Variants in CAMK1D observed in about 807,000 individuals in gnomAD.
CAMK1D encodes calcium/calmodulin-dependent protein kinase type 1D.
A neutral mutation model predicts 47.7 loss-of-function variants in CAMK1D; 9 were observed. That is an observed-to-expected ratio of 0.19 (90% confidence interval 0.11 to 0.33). The LOEUF is 0.33. Ranked by LOEUF, CAMK1D falls within the 10% of genes least tolerant of loss-of-function variation. The pLI, the probability that CAMK1D is intolerant of heterozygous loss-of-function variation, is 1.00. For missense variants in CAMK1D, 291 were observed against 488.7 expected, an observed-to-expected ratio of 0.60 and a Z score of 3.81; for synonymous variants, 184 against 184.9, an observed-to-expected ratio of 0.99 and a Z score of 0.04.
At chr10:12,396,995 C>G (rs890623628) in intron 1 of CAMK1D, among the ~76,000 whole-genome samples, 1 of 152,240 alleles carries the variant, frequency 6.6e-6, no homozygotes, top group Non-Finnish European at 1.5e-5. Context: ...CGACTGGGCC[C>G]TGTCGGCTGA....
At chr10:12,586,154 A>G (rs76127660) in intron 2 of CAMK1D, among the ~76,000 whole-genome samples, 60 of 152,322 alleles carry the variant, frequency 3.9e-4, no homozygotes, top group African/African-American at 1.4e-3. Flanking sequence ...CTCCCACCAA[A>G]CCTGGAGAAA....
At chr10:12,569,145 G>A (rs756061459) in intron 2 of CAMK1D, among the ~76,000 whole-genome samples, 4 of 152,160 alleles carry the variant, frequency 2.6e-5, no homozygotes, top group African/African-American at 9.7e-5. Flanking sequence ...CAGGGTGTAT[G>A]TTTCAGACTC....
intron 1 of CAMK1D, among the ~76,000 whole-genome samples, chr10:12,377,854 G>A (rs1838228120): frequency 6.6e-6 from 1 of 152,210 alleles, no homozygotes; most frequent in Admixed American, 6.5e-5. Flanking sequence ...TGGCTCTTGT[G>A]ATTTATGTGC....
chr10:12,584,153 T>C (rs1837745485), intron 2 of CAMK1D, among the ~76,000 whole-genome samples: 1 of 152,206 alleles, frequency 6.6e-6, no homozygotes, highest in Admixed American at 6.5e-5. Flanking sequence ...AAGTGATGCC[T>C]GAACCCTAAG....
intron 2 of CAMK1D, among the ~76,000 whole-genome samples, chr10:12,657,035 C>T (rs1350895694): frequency 6.6e-6 from 1 of 152,148 alleles, no homozygotes; most frequent in Non-Finnish European, 1.5e-5. Context: ...TGTGCAATTC[C>T]ACTAATCAGT....
At chr10:12,663,287 C>A (rs1422893164) in intron 2 of CAMK1D, among the ~76,000 whole-genome samples, 3 of 152,136 alleles carry the variant, frequency 2.0e-5, no homozygotes, top group Admixed American at 6.5e-5. Flanking sequence ...ATACCGTATT[C>A]ATGATACTGT....
At chr10:12,808,365 T>C (rs1051725259) in intron 6 of CAMK1D, among the ~76,000 whole-genome samples, 2 of 152,232 alleles carry the variant, frequency 1.3e-5, no homozygotes, top group African/African-American at 4.8e-5. Context: ...TCAAACTCAG[T>C]ATCTGGTATA....
rs542034790 is a variant in CAMK1D at position 12,523,080 on chromosome 10, C to T, written c.93-30145C>T. On this transcript the variant is annotated intron_variant, in intron 1 of 10. Coordinates refer to ENST00000619168, the MANE Select transcript of CAMK1D (RefSeq NM_153498.4). ...CTCACTTCTCAGTCGGGGCGGCTGC[C>T]GGGTGGAGGGGCTCCTCACTTCTCA... Among the ~76,000 whole-genome samples the T allele has an allele frequency of 4.0e-3, 606 of 150,928 alleles. 6 individuals are homozygous for T. Among genetic ancestry groups the T allele is most frequent in the African/African-American group, 0.014 (578 of 41,056 alleles).
chr10:12,421,903 G>A (rs71492252), intron 1 of CAMK1D, among the ~76,000 whole-genome samples: 5 of 151,288 alleles, frequency 3.3e-5, no homozygotes, highest in East Asian at 3.9e-4. Context: ...TGCAGCCTTC[G>A]CCTCCTGGGT....
At chr10:12,356,385 G>A (rs1837517265) in intron 1 of CAMK1D, among the ~76,000 whole-genome samples, 1 of 152,198 alleles carries the variant, frequency 6.6e-6, no homozygotes, top group South Asian at 2.1e-4. Context: ...GGGTGCCCGT[G>A]TGCTGGGAGG....
intron 2 of CAMK1D, among the ~76,000 whole-genome samples, chr10:12,592,207 T>G (rs896716400): frequency 3.9e-5 from 6 of 152,176 alleles, no homozygotes; most frequent in African/African-American, 1.4e-4. Flanking sequence ...AACTTTCATT[T>G]CATCATCTCC....
intron 2 of CAMK1D, among the ~76,000 whole-genome samples, chr10:12,608,279 A>G (rs191628069): frequency 6.6e-6 from 1 of 152,134 alleles, no homozygotes; most frequent in African/African-American, 2.4e-5. Context: ...ATTAGCAGGC[A>G]TGGTAGCGCA....
chr10:12,734,341 A>T (rs1835034894), intron 3 of CAMK1D, among the ~76,000 whole-genome samples: 1 of 27,382 alleles, frequency 3.7e-5, no homozygotes, highest in African/African-American at 1.5e-4. Context: ...AAAAAAAAAA[A>T]AAAAATATAT....
Position 12,764,381 on chromosome 10 carries a change from C to CAAAAAAAAAAAAAAAAAAAA in CAMK1D, c.438+3312_438+3313insAAAAAAAAAAAAAAAAAAAA, listed in dbSNP as rs56657709. Reference sequence around the variant, plus strand: ...GGGCAACAAGAATGACACTTTGTCTCAAAAAAAAAAAAAAAAACATTGATC... The same window carrying CAAAAAAAAAAAAAAAAAAAA: ...GGGCAACAAGAATGACACTTTGTCTCAAAAAAAAAAAAAAAAAAAAAAAAAAAAAAAAAAAAACATTGATC... On this transcript the variant is annotated intron_variant, in intron 4 of 10. Transcript: ENST00000619168. Among the ~76,000 whole-genome samples, 80 of 77,960 alleles carry CAAAAAAAAAAAAAAAAAAAA rather than the reference C, an allele frequency of 1.0e-3. 5 individuals carry two copies. Among genetic ancestry groups the CAAAAAAAAAAAAAAAAAAAA allele is most frequent in the African/African-American group, 3.8e-3 (77 of 20,516 alleles). 51.1% of individuals were successfully genotyped at this position (77,960 alleles called of 152,430 possible).
intron 2 of CAMK1D, among the ~76,000 whole-genome samples, chr10:12,591,047 C>T (rs1837979400): frequency 1.3e-5 from 2 of 152,194 alleles, no homozygotes; most frequent in Admixed American, 6.5e-5. Context: ...ATTTGTGGCT[C>T]ATTCATTTCT....
At chr10:12,363,230 C>T (rs1008980793) in intron 1 of CAMK1D, among the ~76,000 whole-genome samples, 31 of 151,878 alleles carry the variant, frequency 2.0e-4, no homozygotes, top group African/African-American at 6.8e-4. Context: ...CGTGAACCAC[C>T]GCACCCGGCC....
intron 3 of CAMK1D, among the ~76,000 whole-genome samples, chr10:12,741,032 A>T (rs1008366007): frequency 6.6e-6 from 1 of 152,166 alleles, no homozygotes; most frequent in Non-Finnish European, 1.5e-5. Flanking sequence ...CATCCTTTTG[A>T]TGGAAGAGAC....
At chr10:12,717,449 A>G (rs1237846237) in intron 3 of CAMK1D, among the ~76,000 whole-genome samples, 3 of 152,150 alleles carry the variant, frequency 2.0e-5, no homozygotes, top group Non-Finnish European at 4.4e-5. Flanking sequence ...TGTTAGCAGA[A>G]CTGCCTCTTA....
At chr10:12,549,159 A>G (rs1378608420) in intron 1 of CAMK1D, among the ~76,000 whole-genome samples, 1 of 152,204 alleles carries the variant, frequency 6.6e-6, no homozygotes, top group Non-Finnish European at 1.5e-5. Context: ...CCTGGCTTCC[A>G]GATCCTTTTC....
Sources: allele counts gnomAD v4.1 joint callset (sites outside exome capture counted in the v4.1 genomes callset), GRCh38; gene constraint gnomAD v4.1.1; transcripts MANE v1.5; gene names NCBI Gene and HGNC (gene_info 2026-07-23, HGNC 2026-07-21).